The following SSBP3 variants were observed in gnomAD, a reference collection of about 807,000 sequenced individuals.
SSBP3 encodes single-stranded DNA-binding protein 3.
In SSBP3, 5 loss-of-function variants were observed where a neutral mutation model predicts 69.6. The observed-to-expected ratio is 0.07, with a 90% CI of 0.04 to 0.15. The LOEUF is 0.15. SSBP3 is among the 10% of genes least tolerant of loss of function. The pLI is 1.00. For missense variants in SSBP3, 312 were observed against 534.0 expected, an observed-to-expected ratio of 0.58 and a Z score of 4.10; for synonymous variants, 196 against 193.4, an observed-to-expected ratio of 1.01 and a Z score of -0.11.
intron 4 of SSBP3, among the ~76,000 whole-genome samples, chr1:54,381,839 T>C (rs1481008854): frequency 6.6e-6 from 1 of 152,212 alleles, no homozygotes; most frequent in Non-Finnish European, 1.5e-5. Flanking sequence ...CTGGGAAGCA[T>C]TCCTGTGCCT....
At chr1:54,300,760 A>G (rs1645786773) in intron 4 of SSBP3, among the ~76,000 whole-genome samples, 1 of 152,198 alleles carries the variant, frequency 6.6e-6, no homozygotes, top group African/African-American at 2.4e-5. Context: ...CTCTGTCTCC[A>G]AAATGTCCAT....
At chr1:54,340,075 G>A (rs963457937) in intron 4 of SSBP3, among the ~76,000 whole-genome samples, 1 of 152,086 alleles carries the variant, frequency 6.6e-6, no homozygotes, top group African/African-American at 2.4e-5. Context: ...CCCACCTAGA[G>A]GATAAGCGCC....
intron 4 of SSBP3, among the ~76,000 whole-genome samples, chr1:54,400,364 T>C (rs1324321011): frequency 6.6e-6 from 1 of 150,742 alleles, no homozygotes; most frequent in Non-Finnish European, 1.5e-5. Flanking sequence ...GTTCACAGGT[T>C]TAGGAAAAAA....
chr1:54,381,483 T>C (rs755801463), intron 4 of SSBP3, among the ~76,000 whole-genome samples: 9 of 151,446 alleles, frequency 5.9e-5, no homozygotes, highest in Non-Finnish European at 1.2e-4. Context: ...CAATAACCAA[T>C]TTTTAACACA....
chr1:54,312,659 C>A (rs1256544418), intron 4 of SSBP3, among the ~76,000 whole-genome samples: 1 of 152,128 alleles, frequency 6.6e-6, no homozygotes, highest in Non-Finnish European at 1.5e-5. Context: ...AAGAGATGAC[C>A]CCTCTCTGTA....
At chr1:54,314,125 C>T (rs896398892) in intron 4 of SSBP3, among the ~76,000 whole-genome samples, 2 of 152,108 alleles carry the variant, frequency 1.3e-5, no homozygotes, top group Non-Finnish European at 2.9e-5. Flanking sequence ...TGGGAGCCAG[C>T]CAAGGGGGGC....
At chr1:54,401,242 G>A (rs981169577) in intron 4 of SSBP3, among the ~76,000 whole-genome samples, 1 of 152,182 alleles carries the variant, frequency 6.6e-6, no homozygotes, top group Non-Finnish European at 1.5e-5. Context: ...TAGAAAGTGA[G>A]TAACAGGGTA....
At chr1:54,394,394 C>T (rs1648711934) in intron 4 of SSBP3, among the ~76,000 whole-genome samples, 1 of 152,040 alleles carries the variant, frequency 6.6e-6, no homozygotes, top group South Asian at 2.1e-4. Context: ...CCCCCCAACT[C>T]CATACTGACT....
chr1:54,231,229 C>T (rs1002047143), intron 14 of SSBP3, among the ~76,000 whole-genome samples: 5 of 152,208 alleles, frequency 3.3e-5, no homozygotes, highest in East Asian at 1.9e-4. Context: ...TTACTACAGC[C>T]GTCCTAGTGG....
chr1:54,243,924 GA>G (rs386631267), intron 9 of SSBP3, among the ~76,000 whole-genome samples: 3 of 150,856 alleles, frequency 2.0e-5, no homozygotes, highest in African/African-American at 7.3e-5. Flanking sequence ...ATGTGTGTGT[GA>G]GTTTTTTTTT....
At chr1:54,403,822 C>G (rs1181987233) in intron 3 of SSBP3, among the ~76,000 whole-genome samples, 1 of 152,166 alleles carries the variant, frequency 6.6e-6, no homozygotes, top group Non-Finnish European at 1.5e-5. Context: ...GGGCAACTGG[C>G]TCCGGCTGAC....
intron 5 of SSBP3, among the ~76,000 whole-genome samples, chr1:54,272,146 C>T (rs1645204166): frequency 6.6e-6 from 1 of 152,162 alleles, no homozygotes; most frequent in Non-Finnish European, 1.5e-5. Context: ...GATTCTAAGG[C>T]CCTCTTTGGG....
At chr1:54,404,824 C>CGGGGA (rs1649588585) in intron 2 of SSBP3, 34 bp downstream of exon 2, 1 of 1,231,340 alleles carries the variant, frequency 8.1e-7, no homozygotes, top group African/African-American at 1.6e-5. Flanking sequence ...GGGGGGGTGT[C>CGGGGA]AAGAAATTGG....
intron 4 of SSBP3, among the ~76,000 whole-genome samples, chr1:54,294,151 A>G (rs1557504677): frequency 1.0e-5 from 1 of 99,834 alleles, no homozygotes; most frequent in Non-Finnish European, 2.2e-5. Flanking sequence ...TCAAAAAAAA[A>G]AAAAAAAAAA....
At chr1:54,409,020 T>C (rs926031121), upstream of SSBP3, among the ~76,000 whole-genome samples, 1 of 152,096 alleles carries the variant, frequency 6.6e-6, no homozygotes, top group Admixed American at 6.5e-5. Context: ...GCAGGACCAC[T>C]CAGCAGCCCT....
chr1:54,228,888 G>T, intron 14 of SSBP3, 62 bp from the exon 15 acceptor site: 3 of 1,530,628 alleles, frequency 2.0e-6, no homozygotes, highest in Non-Finnish European at 2.7e-6. Flanking sequence ...CCCCTCACAG[G>T]CAGGGGGCTG....
chr1:54,253,522 C>T (rs968959913), intron 7 of SSBP3, among the ~76,000 whole-genome samples: 2 of 152,248 alleles, frequency 1.3e-5, no homozygotes, highest in South Asian at 2.1e-4. Flanking sequence ...CTGCTGTTTC[C>T]GTCTGCCTGG....
chr1:54,264,733 C>T lies in SSBP3; in HGVS notation c.367-6584G>A, dbSNP rs528851650. 7.9e-5 allele frequency among the ~76,000 whole-genome samples: 12 copies of T among 152,330 alleles called. No individual in the cohort carries two copies. The South Asian group carries it at 1.7e-3, about 21-fold the overall frequency. ...AACTGCTGACAGCTACCCAGACAGA[C>T]GCCATTACCACCCAGCCAAATCCGC... On this transcript the variant is annotated intron_variant, in intron 5 of 17. Coordinates refer to ENST00000610401, the Ensembl canonical transcript of SSBP3.
chr1:54,367,757 G>A (rs1041449105), intron 4 of SSBP3, among the ~76,000 whole-genome samples: 9 of 152,148 alleles, frequency 5.9e-5, no homozygotes, highest in African/African-American at 2.2e-4. Flanking sequence ...CAATTCTGAT[G>A]GATTTTTGTT....
Sources: allele counts gnomAD v4.1 joint callset (sites outside exome capture counted in the v4.1 genomes callset), GRCh38; gene constraint gnomAD v4.1.1; transcripts MANE v1.5; gene names NCBI Gene and HGNC (gene_info 2026-07-23, HGNC 2026-07-21).